RNLS: variants seen among roughly 807,000 people sequenced by gnomAD.
RNLS encodes renalase, FAD dependent amine oxidase.
In RNLS, 39 loss-of-function variants were observed where a neutral mutation model predicts 39.8. That is an observed-to-expected ratio of 0.98 (90% confidence interval 0.76 to 1.28). The LOEUF (loss-of-function observed/expected upper bound fraction) is 1.28, where lower values mean the gene tolerates loss of function less well. RNLS is among the 50% of genes most tolerant of loss of function. The pLI is 0.00. For synonymous variants in RNLS, 147 were observed against 150.7 expected (o/e 0.98, Z 0.18); for missense variants, 410 against 413.3 (o/e 0.99, Z 0.07).
chr10:88,330,727 A>G (rs1394009451), intron 5 of RNLS, among the ~76,000 whole-genome samples: 3 of 152,140 alleles, frequency 2.0e-5, no homozygotes, highest in African/African-American at 4.8e-5. Flanking sequence ...AACTAGTAAG[A>G]AAAATGATTT....
rs1220891889 is a variant in RNLS at position 88,524,943 on chromosome 10, TATATGGCACACACATAC to T, written c.526+47943_526+47959del. Among the ~76,000 whole-genome samples the T allele has an allele frequency of 8.4e-5, 10 of 119,504 alleles. No individual in the cohort carries two copies. The South Asian group carries it at 1.4e-3, about 17-fold the overall frequency. 78.4% of individuals were successfully genotyped at this position (119,504 alleles called of 152,430 possible). A position where few individuals can be genotyped will look rare whatever the true frequency, so the allele number is the denominator to read the frequency against. On this transcript the variant is annotated intron_variant, in intron 4 of 6. Transcript: ENST00000331772. ...ACTCCATGTATGCCATATATATATA[TATATGGCACACACATAC>T]ATATATATATATATATATATATATA...
At chr10:88,179,943 C>T in the RNLS span, among the ~76,000 whole-genome samples, 2 of 152,230 alleles carry the variant, frequency 1.3e-5, no homozygotes, top group African/African-American at 4.8e-5. Flanking sequence ...TAGAACAGAA[C>T]ATCCAAGTTA....
the RNLS span, among the ~76,000 whole-genome samples, chr10:88,215,691 ATTTTTT>A: frequency 2.1e-5 from 2 of 95,432 alleles, no homozygotes. Flanking sequence ...ACCATCTGTA[ATTTTTT>A]TTTTTTTTTT....
In RNLS at chr10:88,450,618, C is replaced by T. The variant is rs552187674; in HGVS notation, c.527-87893G>A. Among the ~76,000 whole-genome samples, 8 of 152,280 alleles carry T rather than the reference C, an allele frequency of 5.3e-5. No homozygotes were observed. The East Asian group carries it at 5.8e-4, about 11-fold the overall frequency. On this transcript the variant is annotated intron_variant, in intron 4 of 6. Transcript: ENST00000331772. ...AACTGTCATTGGTCAGTGAGGAAAA[C>T]GGGGGCCTACAGGCCAATCCCTTTG...
the RNLS span, among the ~76,000 whole-genome samples, chr10:88,184,351 A>T: frequency 2.0e-5 from 3 of 152,246 alleles, no homozygotes; most frequent in African/African-American, 7.2e-5. Flanking sequence ...TTAAACAGTC[A>T]TGTAGCTTTT....
intron 4 of RNLS, among the ~76,000 whole-genome samples, chr10:88,388,556 T>G (rs1852004631): frequency 6.6e-6 from 1 of 152,114 alleles, no homozygotes; most frequent in Non-Finnish European, 1.5e-5. Flanking sequence ...TGAAGAGACT[T>G]AAATATTTTG....
At chr10:88,542,023 T>C (rs1245482753) in intron 4 of RNLS, among the ~76,000 whole-genome samples, 1 of 152,078 alleles carries the variant, frequency 6.6e-6, no homozygotes, top group Admixed American at 6.6e-5. Context: ...GCCTTTGCAT[T>C]TTCCTTGGAG....
intron 4 of RNLS, among the ~76,000 whole-genome samples, chr10:88,373,615 A>T (rs1850739313): frequency 6.6e-6 from 1 of 152,120 alleles, no homozygotes; most frequent in Non-Finnish European, 1.5e-5. Flanking sequence ...ATTAGCTTTT[A>T]TCTTCATATC....
At chr10:88,214,889 G>C in the RNLS span, among the ~76,000 whole-genome samples, 3 of 152,074 alleles carry the variant, frequency 2.0e-5, no homozygotes, top group African/African-American at 7.2e-5. Context: ...TTGAAAGTAA[G>C]CAAAAATTGG....
intron 4 of RNLS, among the ~76,000 whole-genome samples, chr10:88,487,062 T>C (rs1398898532): frequency 6.6e-6 from 1 of 152,162 alleles, no homozygotes; most frequent in Non-Finnish European, 1.5e-5. Flanking sequence ...TGCAAAAACA[T>C]GGATGAAGCC....
the RNLS span, among the ~76,000 whole-genome samples, chr10:88,229,883 G>T: frequency 4.6e-5 from 7 of 151,988 alleles, no homozygotes; most frequent in Non-Finnish European, 1.0e-4. Flanking sequence ...CCATTGTGTG[G>T]ATATGCCACA....
chr10:88,334,967 T>G (rs1035730592), intron 5 of RNLS, among the ~76,000 whole-genome samples: 11 of 152,214 alleles, frequency 7.2e-5, no homozygotes, highest in Non-Finnish European at 1.6e-4. Context: ...ACAAATTAAT[T>G]AACGTGAGAT....
chr10:88,365,559 A>G (rs1169265332), intron 4 of RNLS, among the ~76,000 whole-genome samples: 2 of 150,416 alleles, frequency 1.3e-5, no homozygotes, highest in African/African-American at 2.4e-5. Flanking sequence ...ACACACACGT[A>G]CGTATATGTA....
At chr10:88,224,174 A>C in the RNLS span, among the ~76,000 whole-genome samples, 1 of 152,180 alleles carries the variant, frequency 6.6e-6, no homozygotes, top group Non-Finnish European at 1.5e-5. Flanking sequence ...ATTGCTCACA[A>C]TTTTAGAGGC....
chr10:88,544,118 G>A (rs1848177535), intron 4 of RNLS, among the ~76,000 whole-genome samples: 1 of 152,108 alleles, frequency 6.6e-6, no homozygotes, highest in Admixed American at 6.6e-5. Flanking sequence ...ATAATGTGAG[G>A]ACTAGTACAA....
the RNLS span, among the ~76,000 whole-genome samples, chr10:88,256,109 G>A: frequency 6.6e-6 from 1 of 152,146 alleles, no homozygotes; most frequent in South Asian, 2.1e-4. Flanking sequence ...GATTGGATAG[G>A]AATACAATAA....
chr10:88,280,918 C>A (rs1842987969), downstream of RNLS, among the ~76,000 whole-genome samples: 1 of 152,168 alleles, frequency 6.6e-6, no homozygotes, highest in South Asian at 2.1e-4. Flanking sequence ...CATAATTCAA[C>A]CAGCCTTTTA....
At chr10:88,244,093 G>A in the RNLS span, among the ~76,000 whole-genome samples, 2 of 152,160 alleles carry the variant, frequency 1.3e-5, no homozygotes, top group Admixed American at 6.5e-5. Context: ...AATGCTCTTC[G>A]GGCTTGTTAA....
At chr10:88,265,240 T>C in the RNLS span, among the ~76,000 whole-genome samples, 1 of 152,108 alleles carries the variant, frequency 6.6e-6, no homozygotes, top group East Asian at 1.9e-4. Context: ...ACTATGGCCT[T>C]ATAGTATAGT....
Sources: allele counts gnomAD v4.1 joint callset (sites outside exome capture counted in the v4.1 genomes callset), GRCh38; gene constraint gnomAD v4.1.1; transcripts MANE v1.5; gene names NCBI Gene and HGNC (gene_info 2026-07-23, HGNC 2026-07-21).